ANKRD36: variants seen among roughly 807,000 people sequenced by gnomAD.
The protein encoded by ANKRD36 is ankyrin repeat domain 36, also known as ankyrin repeat domain-containing protein 36A.
ANKRD36 carries 179 observed loss-of-function variants against 278.1 expected under a neutral mutation model. The observed-to-expected ratio is 0.64, with a 90% CI of 0.57 to 0.73. The LOEUF is 0.73. Ranked by LOEUF, ANKRD36 falls within the 30% of genes least tolerant of loss-of-function variation. The pLI is 0.00. For synonymous variants in ANKRD36, 320 were observed against 641.1 expected, an observed-to-expected ratio of 0.50 and a Z score of 7.57; for missense variants, 1,159 against 1,956.7, an observed-to-expected ratio of 0.59 and a Z score of 7.69.
chr2:97,129,415 G>T (rs1277636779), intron 6 of ANKRD36, among the ~76,000 whole-genome samples: 1 of 152,026 alleles, frequency 6.6e-6, no homozygotes, highest in South Asian at 2.1e-4. Context: ...CTCCCATTCT[G>T]TAGGTTGTCT....
chr2:97,173,434 T>C (rs2053244901), intron 22 of ANKRD36, among the ~76,000 whole-genome samples: 1 of 151,754 alleles, frequency 6.6e-6, no homozygotes, highest in African/African-American at 2.4e-5. Context: ...AGAGTGTCTA[T>C]GGGAGAGAGG....
chr2:97,215,838 A>C (rs1401402589), intron 62 of ANKRD36: 14 of 602,366 alleles, frequency 2.3e-5, no homozygotes, highest in Non-Finnish European at 5.7e-6. Flanking sequence ...AATAGATATT[A>C]TAGGCGTCAG....
chr2:97,142,092 C>T (rs1322457165), intron 6 of ANKRD36, among the ~76,000 whole-genome samples: 1 of 152,278 alleles, frequency 6.6e-6, no homozygotes, highest in Non-Finnish European at 1.5e-5. Flanking sequence ...CTAGGATTCA[C>T]CAAACATATA....
At chr2:97,186,119 GA>G (rs1211433663) in intron 30 of ANKRD36, among the ~76,000 whole-genome samples, 4 of 151,792 alleles carry the variant, frequency 2.6e-5, no homozygotes, top group Non-Finnish European at 5.9e-5. Context: ...ACTACTGGAT[GA>G]AGCAAAGAAA....
rs2062794640 is a variant in ANKRD36, at chr2:97,206,151, G to C, written c.3163+16G>C. The C allele has an allele frequency of 3.9e-6, 6 of 1,524,736 alleles. No individual in the cohort carries two copies. The highest frequency in any genetic ancestry group is 2.4e-5 in the East Asian group (1 of 40,852). 94.5% of individuals were successfully genotyped at this position (1,524,736 alleles called of 1,614,324 possible). A position where few individuals can be genotyped will look rare whatever the true frequency, so the allele number is the denominator to read the frequency against. Reference sequence around the variant, plus strand: ...TCTAGGACAGGTAATTCTGAAAACAGATTTAATGCCATGTTCAGTCGAGAT... The same window carrying C: ...TCTAGGACAGGTAATTCTGAAAACACATTTAATGCCATGTTCAGTCGAGAT... On this transcript the variant is annotated intron_variant, in intron 52 of 75. Transcript: ENST00000420699.
At chr2:97,233,987 ATATGCCT>A in intron 68 of ANKRD36, 116 bp downstream of exon 68, 1 of 550,286 alleles carries the variant, frequency 1.8e-6, no homozygotes. Flanking sequence ...CATCTCAGAA[ATATGCCT>A]TATGTTAAAA....
At chr2:97,216,095 A>G (rs1204487156) in intron 62 of ANKRD36, among the ~76,000 whole-genome samples, 1 of 151,932 alleles carries the variant, frequency 6.6e-6, no homozygotes, top group Non-Finnish European at 1.5e-5. Context: ...GGCTTCTCCA[A>G]GAACTACTGG....
rs1213650764 is a variant in ANKRD36, at chr2:97,124,622, G to A, written c.731+25G>A. The A allele has an allele frequency of 1.1e-5, 17 of 1,537,528 alleles. No individual in the cohort carries two copies. The Admixed American group carries it at 1.9e-4, about 17-fold the overall frequency. On this transcript the variant is annotated intron_variant, in intron 5 of 75. Coordinates refer to ENST00000420699, the MANE Select transcript of ANKRD36 (RefSeq NM_001354587.1). Reference sequence around the variant, plus strand: ...TGTAAGTCTTTACATAAAAAGGCTAGTGAACACTAAATTGAAGTTTAAAAT... The same window carrying A: ...TGTAAGTCTTTACATAAAAAGGCTAATGAACACTAAATTGAAGTTTAAAAT...
chr2:97,173,718 G>A (rs1439343026), intron 22 of ANKRD36, among the ~76,000 whole-genome samples: 2 of 151,714 alleles, frequency 1.3e-5, no homozygotes, highest in East Asian at 3.9e-4. Flanking sequence ...GAGGTAATTT[G>A]GAGGTTTCTG....
intron 22 of ANKRD36, among the ~76,000 whole-genome samples, chr2:97,175,225 GGTAGAATTCGGCT>G (rs1220017084): frequency 1.3e-5 from 2 of 148,654 alleles, no homozygotes; most frequent in African/African-American, 2.5e-5. Context: ...TTGTACCTCT[GGTAGAATTCGGCT>G]GTGAATCCAT....
At chr2:97,197,894 A>T (rs1187725531) in intron 42 of ANKRD36, among the ~76,000 whole-genome samples, 1 of 151,898 alleles carries the variant, frequency 6.6e-6, no homozygotes, top group Non-Finnish European at 1.5e-5. Context: ...GGTGAGAGAT[A>T]ATGAGTATTA....
chr2:97,220,933 C>T (rs1272840388), intron 66 of ANKRD36, among the ~76,000 whole-genome samples: 1 of 101,996 alleles, frequency 9.8e-6, no homozygotes. Flanking sequence ...CCCCCTCCCC[C>T]GACCCCACCA....
At chr2:97,143,681 T>A (rs200922280) in intron 8 of ANKRD36, among the ~76,000 whole-genome samples, 1,529 of 123,372 alleles carry the variant, frequency 0.012, no homozygotes, top group South Asian at 0.025. Flanking sequence ...ACAAAAATAA[T>A]GTTGAATTCA....
At chr2:97,180,324 T>A (rs188252847) in intron 24 of ANKRD36, among the ~76,000 whole-genome samples, 1 of 151,718 alleles carries the variant, frequency 6.6e-6, no homozygotes, top group East Asian at 2.0e-4. Flanking sequence ...GTGATCCTAA[T>A]AACTCCATAA....
intron 68 of ANKRD36, among the ~76,000 whole-genome samples, chr2:97,240,984 T>TG (rs1576533983): frequency 0.017 from 319 of 18,688 alleles, no homozygotes; most frequent in African/African-American, 0.083. Context: ...ATAACTATGT[T>TG]TTTTTTTTTT....
chr2:97,174,646 G>A (rs2053690993), intron 22 of ANKRD36, among the ~76,000 whole-genome samples: 1 of 151,618 alleles, frequency 6.6e-6, no homozygotes, highest in African/African-American at 2.4e-5. Flanking sequence ...GCCCTGGCCA[G>A]AACTTCCAAC....
chr2:97,179,131 A>C (rs2055348768), intron 22 of ANKRD36, among the ~76,000 whole-genome samples: 1 of 151,602 alleles, frequency 6.6e-6, no homozygotes, highest in South Asian at 2.1e-4. Context: ...GATACAAGAG[A>C]TGTAGGCACA....
chr2:97,131,673 ATATTTT>A (rs976687552), intron 6 of ANKRD36, among the ~76,000 whole-genome samples: 2 of 151,984 alleles, frequency 1.3e-5, no homozygotes, highest in African/African-American at 4.8e-5. Flanking sequence ...GTTTTAATAG[ATATTTT>A]TAGTTTTATA....
At chr2:97,247,937 TGA>T (rs1271460846) in intron 72 of ANKRD36, 1 of 123,552 alleles carries the variant, frequency 8.1e-6, no homozygotes, top group Non-Finnish European at 1.6e-5. Flanking sequence ...TCACAGAAGT[TGA>T]GAGAGTTTTT....
Sources: allele counts gnomAD v4.1 joint callset (sites outside exome capture counted in the v4.1 genomes callset), GRCh38; gene constraint gnomAD v4.1.1; transcripts MANE v1.5; gene names NCBI Gene and HGNC (gene_info 2026-07-23, HGNC 2026-07-21).